The following TSPEAR variants were observed in gnomAD, a reference collection of about 807,000 sequenced individuals.
The protein encoded by TSPEAR is thrombospondin-type laminin G domain and EAR repeat-containing protein.
TSPEAR carries 69 observed loss-of-function variants against 71.6 expected under a neutral mutation model. The observed-to-expected ratio is 0.96, with a 90% CI of 0.79 to 1.18. The LOEUF (loss-of-function observed/expected upper bound fraction) is 1.18, where lower values mean the gene tolerates loss of function less well. TSPEAR is among the 50% of genes most tolerant of loss of function. TSPEAR has a pLI of 0.00. For synonymous variants in TSPEAR, 402 were observed against 387.2 expected (o/e 1.04, Z -0.45); for missense variants, 971 against 894.9 (o/e 1.09, Z -1.09).
chr21:44,639,519 T>C (rs1445433422), intron 1 of TSPEAR, among the ~76,000 whole-genome samples: 1 of 151,486 alleles, frequency 6.6e-6, no homozygotes, highest in Non-Finnish European at 1.5e-5. Context: ...GTGGCCAAAC[T>C]GACACAGCCT....
In TSPEAR at chr21:44,666,794, C is replaced by T. The variant is rs782467238; in HGVS notation, c.82+44639G>A. 2.5e-6 allele frequency: 4 copies of T among 1,612,002 alleles called. No homozygotes were observed. The East Asian group carries it at 8.9e-5, about 36-fold the overall frequency. Reference sequence around the variant, plus strand: ...AGCCCACAGGCACACAGCAGGATGCCTGGCAGGAGCTGGGCACACAACAGG... The same window carrying T: ...AGCCCACAGGCACACAGCAGGATGCTTGGCAGGAGCTGGGCACACAACAGG... On this transcript the variant is annotated intron_variant, in intron 1 of 11. Transcript: ENST00000323084.
chr21:44,582,997 T>C (rs372893219), intron 1 of TSPEAR, among the ~76,000 whole-genome samples: 27 of 15,428 alleles, frequency 1.8e-3, no homozygotes, highest in African/African-American at 3.6e-3. Context: ...TATTTTTCTT[T>C]CTTTCTTTTT....
intron 11 of TSPEAR, among the ~76,000 whole-genome samples, chr21:44,503,545 C>G (rs1331969767): frequency 2.0e-5 from 2 of 98,674 alleles, no homozygotes. Flanking sequence ...CCTTGGTGAG[C>G]CCACAGTGGG....
chr21:44,548,467 G>A (rs2053340057), intron 2 of TSPEAR, among the ~76,000 whole-genome samples: 1 of 152,182 alleles, frequency 6.6e-6, no homozygotes, highest in African/African-American at 2.4e-5. Flanking sequence ...ACGGCAGGTG[G>A]GGATGGGAAG....
In TSPEAR at chr21:44,642,376, T is replaced by C. The variant is rs150193892; in HGVS notation, c.82+69057A>G. Among the ~76,000 whole-genome samples the C allele has an allele frequency of 6.6e-6, 1 of 152,278 alleles. No individual in the cohort carries two copies. The highest frequency in any genetic ancestry group is 1.5e-5 in the Non-Finnish European group (1 of 68,028). On this transcript the variant is annotated intron_variant, in intron 1 of 11. Coordinates refer to ENST00000323084, the MANE Select transcript of TSPEAR (RefSeq NM_144991.3). The surrounding 1 kb of genome is among the most constrained non-coding windows in gnomAD (Gnocchi z 4.1). Reference sequence around the variant, plus strand: ...AAGCCAGAGGTCCTCTGGATTCCTCTAGTAAGACTGGTGACATCCTGATGC... The same window carrying C: ...AAGCCAGAGGTCCTCTGGATTCCTCCAGTAAGACTGGTGACATCCTGATGC...
At chr21:44,539,784 G>A (rs782405798) in intron 2 of TSPEAR, 4 of 1,612,296 alleles carry the variant, frequency 2.5e-6, no homozygotes, top group Non-Finnish European at 1.7e-6. Context: ...CTAGACTGCT[G>A]GCAGCATGAA....
chr21:44,698,590 G>A (rs547044488), intron 1 of TSPEAR, among the ~76,000 whole-genome samples: 25 of 152,284 alleles, frequency 1.6e-4, no homozygotes, highest in Middle Eastern at 3.4e-3. Context: ...ACATTTCCCC[G>A]CCAAGTTGCC....
In TSPEAR at chr21:44,640,369, T is replaced by C. The variant is rs587693552; in HGVS notation, c.82+71064A>G. Among the ~76,000 whole-genome samples the C allele has an allele frequency of 1.8e-4, 28 of 152,138 alleles. No homozygotes were observed. The East Asian group carries it at 5.4e-3, about 29-fold the overall frequency. ...TCCGCAGAGAAAGGAAGTAGATGAG[T>C]GTGTGACCAAGGCTGGTGGAGGGGC... On this transcript the variant is annotated intron_variant, in intron 1 of 11. Transcript: ENST00000323084.
At chr21:44,688,601 T>TC (rs1476516087) in intron 1 of TSPEAR, among the ~76,000 whole-genome samples, 25 of 152,014 alleles carry the variant, frequency 1.6e-4, no homozygotes, top group African/African-American at 5.3e-4. Flanking sequence ...GCGCCTGTAG[T>TC]CCCAGCTAGT....
chr21:44,538,429 C>G (rs375287057), intron 2 of TSPEAR, among the ~76,000 whole-genome samples: 4,932 of 132,156 alleles, frequency 0.037, 309 homozygotes, highest in African/African-American at 0.14. Context: ...GCTGCCCCCC[C>G]CCCCCCCAAG....
chr21:44,680,283 T>TA (rs1328648573), intron 1 of TSPEAR, among the ~76,000 whole-genome samples: 127 of 151,970 alleles, frequency 8.4e-4, no homozygotes, highest in Middle Eastern at 3.4e-3. Flanking sequence ...ACAGGTATAT[T>TA]AAAAAAAACT....
chr21:44,567,696 G>T (rs587644178), intron 2 of TSPEAR, 89 bp downstream of exon 2: 12 of 1,125,642 alleles, frequency 1.1e-5, no homozygotes, highest in Admixed American at 3.1e-5. Flanking sequence ...GACAAATGCC[G>T]CCCCTCAACC....
At chr21:44,564,805 T>C (rs1601421629) in intron 2 of TSPEAR, among the ~76,000 whole-genome samples, 1 of 152,314 alleles carries the variant, frequency 6.6e-6, no homozygotes, top group East Asian at 1.9e-4. Flanking sequence ...CTTTAGACTG[T>C]TCCCACCTGA....
intron 9 of TSPEAR, among the ~76,000 whole-genome samples, chr21:44,516,919 GCTCCCAGCT>G (rs1379614339): frequency 1.3e-5 from 2 of 152,116 alleles, no homozygotes; most frequent in Non-Finnish European, 2.9e-5. Context: ...ATGCGAGAAC[GCTCCCAGCT>G]CTCCCATCTT....
intron 7 of TSPEAR, 76 bp downstream of exon 7, chr21:44,527,216 T>G (rs191753713): frequency 3.5e-6 from 5 of 1,433,862 alleles, no homozygotes; most frequent in Non-Finnish European, 3.9e-6. Flanking sequence ...GCAGAATCAG[T>G]GTAGGGGGCC....
Position 44,612,461 on chromosome 21 carries a change from CCTGTGTG to C in TSPEAR, c.83-44463_83-44457del, listed in dbSNP as rs1177007138. ...CCCCTGCCAACAGGCCTGCTGTGTG[CCTGTGTG>C]CTGCAAGTCCAACTGCTGCAAGCCC... On this transcript the variant is annotated intron_variant, in intron 1 of 11. Transcript: ENST00000323084. This position sits in a 1 kb window ranked among gnomAD's most constrained non-coding sequence, Gnocchi z 4.1. 15 of 1,611,878 alleles carry C rather than the reference CCTGTGTG, an allele frequency of 9.3e-6. No individual in the cohort carries two copies. In the Admixed American group the frequency reaches 1.7e-4, roughly 18 times the overall value.
At chr21:44,676,560 T>C (rs1379640434) in intron 1 of TSPEAR, 2 of 727,662 alleles carry the variant, frequency 2.7e-6, no homozygotes, top group Non-Finnish European at 5.1e-6. Flanking sequence ...GCTCTTGACT[T>C]AGATGATGAA....
At chr21:44,661,276 C>T (rs1424390005) in intron 1 of TSPEAR, among the ~76,000 whole-genome samples, 3 of 108,306 alleles carry the variant, frequency 2.8e-5, no homozygotes, top group African/African-American at 3.9e-5. Flanking sequence ...AGTGAGACTC[C>T]GTCTCAAAAA....
intron 1 of TSPEAR, among the ~76,000 whole-genome samples, chr21:44,569,036 C>A (rs138401446): frequency 6.6e-5 from 10 of 152,182 alleles, no homozygotes; most frequent in Admixed American, 4.6e-4. Flanking sequence ...CCTGCCTGCA[C>A]GTGGCAGGGC....
Sources: allele counts gnomAD v4.1 joint callset (sites outside exome capture counted in the v4.1 genomes callset), GRCh38; gene constraint gnomAD v4.1.1; non-coding constraint Gnocchi (gnomAD v3.1); transcripts MANE v1.5; gene names NCBI Gene and HGNC (gene_info 2026-07-23, HGNC 2026-07-21).